The following XYLB variants were observed in gnomAD, a reference collection of about 807,000 sequenced individuals.
The protein encoded by XYLB is xylulose kinase.
XYLB carries 62 observed loss-of-function variants against 78.7 expected under a neutral mutation model. The observed-to-expected ratio is 0.79, with a 90% CI of 0.64 to 0.97. The LOEUF (loss-of-function observed/expected upper bound fraction) is 0.97, where lower values mean the gene tolerates loss of function less well. Among genes scored for constraint, XYLB ranks in the 50% least tolerant of loss-of-function variants. The pLI is 0.00. For synonymous variants in XYLB, 245 were observed against 247.4 expected, an observed-to-expected ratio of 0.99 and a Z score of 0.09; for missense variants, 687 against 676.8, an observed-to-expected ratio of 1.02 and a Z score of -0.17.
At chr3:38,430,905 T>C in the XYLB span, among the ~76,000 whole-genome samples, 1 of 152,216 alleles carries the variant, frequency 6.6e-6, no homozygotes, top group Admixed American at 6.5e-5. Context: ...TTCTGTTCCA[T>C]TGATCTATAT....
At chr3:38,365,798 G>C (rs545187473) in intron 6 of XYLB, 62 bp downstream of exon 6, 1 of 1,531,920 alleles carries the variant, frequency 6.5e-7, no homozygotes, top group Admixed American at 2.0e-5. Flanking sequence ...AGGCATAGTG[G>C]GTGACCTGCC....
chr3:38,419,578 T>TTATA (rs67869604), downstream of XYLB, among the ~76,000 whole-genome samples: 4,955 of 68,226 alleles, frequency 0.073, 687 homozygotes, highest in African/African-American at 0.12. Flanking sequence ...TTATTTTTCT[T>TTATA]TATATATATA....
At chr3:38,369,707 G>T (rs1336680503) in intron 8 of XYLB, among the ~76,000 whole-genome samples, 1 of 152,202 alleles carries the variant, frequency 6.6e-6, no homozygotes, top group Non-Finnish European at 1.5e-5. Flanking sequence ...AGAAATCCCT[G>T]GGAGCTGACC....
At chr3:38,401,040 GT>G (rs1297229323) in intron 18 of XYLB, 55 bp downstream of exon 18, 3 of 1,528,302 alleles carry the variant, frequency 2.0e-6, no homozygotes, top group Non-Finnish European at 1.8e-6. Context: ...GCCCGCTAGG[GT>G]TTTTTCCCCC....
chr3:38,348,010 T>C (rs941477980), intron 1 of XYLB, among the ~76,000 whole-genome samples: 6 of 152,230 alleles, frequency 3.9e-5, no homozygotes. Context: ...TCGAGTTGCC[T>C]TGCTGGACCT....
the XYLB span, among the ~76,000 whole-genome samples, chr3:38,448,456 T>G: frequency 3.3e-5 from 5 of 152,334 alleles, no homozygotes; most frequent in South Asian, 4.1e-4. Flanking sequence ...AAAATACCTG[T>G]AAAAATCAAA....
the XYLB span, among the ~76,000 whole-genome samples, chr3:38,433,041 G>A: frequency 2.9e-4 from 44 of 152,338 alleles, no homozygotes; most frequent in African/African-American, 8.7e-4. Flanking sequence ...TGAGGGCTCC[G>A]TCCCCCAGCA....
chr3:38,441,657 G>A, the XYLB span, among the ~76,000 whole-genome samples: 1 of 152,092 alleles, frequency 6.6e-6, no homozygotes, highest in Non-Finnish European at 1.5e-5. Context: ...TAAACTTCCT[G>A]TGGCACCTAG....
At chr3:38,363,164 C>T (rs1017508692) in intron 4 of XYLB, 147 bp downstream of exon 4, 4 of 548,406 alleles carry the variant, frequency 7.3e-6, no homozygotes, top group African/African-American at 3.9e-5. Flanking sequence ...AAAATCCCTA[C>T]AACTATTTTA....
chr3:38,392,295 G>GA (rs1190261743), intron 15 of XYLB, among the ~76,000 whole-genome samples: 1 of 152,120 alleles, frequency 6.6e-6, no homozygotes, highest in African/African-American at 2.4e-5. Context: ...AATTAACGAT[G>GA]ATTTTGTTTT....
chr3:38,415,471 C>A (rs940470950), downstream of XYLB, among the ~76,000 whole-genome samples: 3 of 152,056 alleles, frequency 2.0e-5, no homozygotes, highest in African/African-American at 7.2e-5. Flanking sequence ...CGTATTAGTC[C>A]CTTCTCACAC....
intron 14 of XYLB, among the ~76,000 whole-genome samples, chr3:38,377,904 C>T (rs1706945012): frequency 6.6e-6 from 1 of 152,204 alleles, no homozygotes. Flanking sequence ...TGTTTTCTTT[C>T]TCCTCCACAA....
rs112915667 is a variant in XYLB at position 38,351,337 on chromosome 3, C to T, written c.140+2705C>T. ...CAAAATTTTAAAATTTCCTCTCCCT[C>T]ACTCTCTCTTCCACTTAATAAGTCA... is the stretch of plus-strand genomic sequence containing the variant. On this transcript the variant is annotated intron_variant, in intron 2 of 18. Coordinates refer to ENST00000207870, the MANE Select transcript of XYLB (RefSeq NM_005108.4). Among the ~76,000 whole-genome samples the T allele has an allele frequency of 5.9e-5, 9 of 152,026 alleles. 1 individual carries two copies. The highest frequency in any genetic ancestry group is 2.2e-4 in the African/African-American group (9 of 41,462).
chr3:38,412,651 A>G (rs1318675041), intron 18 of XYLB, among the ~76,000 whole-genome samples: 1 of 152,162 alleles, frequency 6.6e-6, no homozygotes, highest in Non-Finnish European at 1.5e-5. Flanking sequence ...CCAGCTGTGC[A>G]ATGAGGCAGC....
chr3:38,415,053 C>G (rs1455090906), downstream of XYLB: 1 of 152,158 alleles, frequency 6.6e-6, no homozygotes, highest in African/African-American at 2.4e-5. Flanking sequence ...GAATGATTAG[C>G]TCTGAGACAT....
At chr3:38,366,572 G>A (rs985632121) in intron 6 of XYLB, among the ~76,000 whole-genome samples, 23 of 152,142 alleles carry the variant, frequency 1.5e-4, no homozygotes, top group Admixed American at 3.3e-4. Flanking sequence ...TATTAGAAAC[G>A]AGGTCTCACT....
At chr3:38,380,435 A>T (rs959405998) in intron 15 of XYLB, among the ~76,000 whole-genome samples, 1 of 152,156 alleles carries the variant, frequency 6.6e-6, no homozygotes, top group African/African-American at 2.4e-5. Context: ...CAGGTTTCTA[A>T]GATGTATTTG....
intron 15 of XYLB, among the ~76,000 whole-genome samples, chr3:38,394,831 C>G (rs1707801789): frequency 6.6e-6 from 1 of 152,164 alleles, no homozygotes; most frequent in Non-Finnish European, 1.5e-5. Flanking sequence ...TCCAGGCTGG[C>G]TCACTCATGT....
intron 18 of XYLB, among the ~76,000 whole-genome samples, chr3:38,410,015 C>G (rs1302959405): frequency 6.6e-6 from 1 of 152,168 alleles, no homozygotes; most frequent in Non-Finnish European, 1.5e-5. Flanking sequence ...ACTTTCTTCA[C>G]AGAATTGGAA....
Sources: allele counts gnomAD v4.1 joint callset (sites outside exome capture counted in the v4.1 genomes callset), GRCh38; gene constraint gnomAD v4.1.1; transcripts MANE v1.5; gene names NCBI Gene and HGNC (gene_info 2026-07-23, HGNC 2026-07-21).